CSMD1: variants seen among roughly 807,000 people sequenced by gnomAD.
CSMD1 encodes the protein CUB and Sushi multiple domains 1, also known as CUB and sushi domain-containing protein 1.
A neutral mutation model predicts 417.5 loss-of-function variants in CSMD1; 213 were observed. That is an observed-to-expected ratio of 0.51 (90% CI 0.46 to 0.57). The LOEUF is 0.57. Ranked by LOEUF, CSMD1 falls within the 20% of genes least tolerant of loss-of-function variation. The pLI is 0.00. For synonymous variants in CSMD1, 2,862 were observed against 1,736.8 expected (o/e 1.65, Z -16.11); for missense variants, 6,923 against 4,529.7 (o/e 1.53, Z -15.17).
intron 2 of CSMD1, among the ~76,000 whole-genome samples, chr8:4,496,562 C>G (rs555131994): frequency 1.3e-5 from 2 of 152,140 alleles, no homozygotes; most frequent in East Asian, 1.9e-4. Flanking sequence ...AACTTCGCCT[C>G]GCCTCCTGCC....
intron 3 of CSMD1, among the ~76,000 whole-genome samples, chr8:4,100,114 C>T (rs1202723159): frequency 4.6e-5 from 7 of 152,030 alleles, no homozygotes; most frequent in African/African-American, 1.2e-4. Context: ...TTTCTGACTC[C>T]GGGGAAATTA....
intron 57 of CSMD1, among the ~76,000 whole-genome samples, chr8:2,971,528 C>G (rs1162077083): frequency 1.3e-5 from 2 of 152,148 alleles, no homozygotes; most frequent in Non-Finnish European, 2.9e-5. Flanking sequence ...ATGACAATGT[C>G]TCTTTTCAGT....
chr8:4,570,764 G>C lies in CSMD1; in HGVS notation c.302+66578C>G, dbSNP rs1304720814. On this transcript the variant is annotated intron_variant, in intron 2 of 69. Transcript: ENST00000635120. ...TCTTGTAGAATTCGGCTGTGAATCT[G>C]TCTGTCCTGGGCTTTTATTGTTTGG... is the stretch of plus-strand genomic sequence containing the variant. 2.6e-5 allele frequency among the ~76,000 whole-genome samples: 4 copies of C among 152,080 alleles called. No homozygotes were observed. In the East Asian group the frequency reaches 5.8e-4, roughly 22 times the overall value.
intron 23 of CSMD1, among the ~76,000 whole-genome samples, chr8:3,324,061 T>G (rs71502954): frequency 2.3e-4 from 29 of 125,694 alleles, no homozygotes; most frequent in South Asian, 1.4e-3. Flanking sequence ...ATTGTTAAAA[T>G]AGACACACAC....
chr8:3,181,188 T>G lies in CSMD1; in HGVS notation c.5647A>C (p.Ser1883Arg). 3 of 1,613,756 alleles carry G rather than the reference T, an allele frequency of 1.9e-6. No homozygotes were observed. Among genetic ancestry groups the G allele is most frequent in the Non-Finnish European group, 2.5e-6 (3 of 1,179,718 alleles). The change falls in exon 37 of 70, where the codon AGT becomes CGT. Residue 1883 changes from serine (S) to arginine (R), a missense_variant. Transcript: ENST00000635120. ...TGCAGGTAGAGTTGGTTGGAAGTAC[T>G]GTTCAGCAGTGCCGGTACTGTGGTG... ...SGTTVPALLNSTSNQLYLHFQ... is the reference protein window; with the variant it reads ...SGTTVPALLNRTSNQLYLHFQ...
intron 5 of CSMD1, among the ~76,000 whole-genome samples, chr8:3,921,507 A>AT (rs1312500087): frequency 6.6e-6 from 1 of 151,626 alleles, no homozygotes; most frequent in African/African-American, 2.4e-5. Flanking sequence ...AATACTTTTT[A>AT]TTTTTTTCAT....
intron 12 of CSMD1, among the ~76,000 whole-genome samples, chr8:3,452,803 C>T (rs1815836051): frequency 1.3e-5 from 2 of 152,080 alleles, no homozygotes; most frequent in Admixed American, 1.3e-4. Context: ...CTCTGCCAGG[C>T]TTTGGTATCA....
chr8:4,636,438 A>C (rs1304794968), intron 2 of CSMD1, among the ~76,000 whole-genome samples: 1 of 152,200 alleles, frequency 6.6e-6, no homozygotes, highest in Admixed American at 6.5e-5. Context: ...AAATTCTCCA[A>C]AGAATGCAAT....
At chr8:3,906,925 C>A (rs781567322) in intron 5 of CSMD1, among the ~76,000 whole-genome samples, 1 of 152,160 alleles carries the variant, frequency 6.6e-6, no homozygotes, top group South Asian at 2.1e-4. Flanking sequence ...GACAAGTGAA[C>A]CTTACCCATC....
chr8:2,997,804 C>T (rs550219431), intron 54 of CSMD1, among the ~76,000 whole-genome samples: 64 of 152,180 alleles, frequency 4.2e-4, no homozygotes, highest in Middle Eastern at 3.4e-3. Context: ...TCTAGATTTT[C>T]GTAATTGAAC....
intron 3 of CSMD1, among the ~76,000 whole-genome samples, chr8:4,063,143 C>CTCT: frequency 6.6e-6 from 1 of 151,774 alleles, no homozygotes; most frequent in South Asian, 2.1e-4. Context: ...TTTCAAAATG[C>CTCT]CTAGAAGATT....
At chr8:3,215,782 A>G (rs1465199886) in intron 29 of CSMD1, among the ~76,000 whole-genome samples, 1 of 152,178 alleles carries the variant, frequency 6.6e-6, no homozygotes, top group Non-Finnish European at 1.5e-5. Flanking sequence ...ATAGATAAAT[A>G]TAATGGGAGA....
At chr8:4,319,374 A>C (rs1200462150) in intron 3 of CSMD1, among the ~76,000 whole-genome samples, 1 of 152,086 alleles carries the variant, frequency 6.6e-6, no homozygotes, top group Non-Finnish European at 1.5e-5. Flanking sequence ...TGTTTCTTTG[A>C]AATACTGAGC....
At chr8:3,593,402 C>T (rs142165941) in intron 8 of CSMD1, among the ~76,000 whole-genome samples, 129 of 152,302 alleles carry the variant, frequency 8.5e-4, no homozygotes, top group African/African-American at 3.0e-3. Context: ...TGAGCCTCCC[C>T]CAGGTCCACC....
chr8:3,446,665 T>C (rs1051988794), intron 12 of CSMD1, among the ~76,000 whole-genome samples: 1 of 152,206 alleles, frequency 6.6e-6, no homozygotes, highest in Non-Finnish European at 1.5e-5. Context: ...GAAAAAAATC[T>C]GGTAAAAAGT....
intron 3 of CSMD1, among the ~76,000 whole-genome samples, chr8:4,373,071 G>A (rs1281388140): frequency 6.6e-6 from 1 of 152,272 alleles, no homozygotes; most frequent in East Asian, 1.9e-4. Context: ...TGAGAAGACA[G>A]TTTACCTGTG....
At chr8:4,095,408 A>T (rs1254906901) in intron 3 of CSMD1, among the ~76,000 whole-genome samples, 1 of 152,174 alleles carries the variant, frequency 6.6e-6, no homozygotes, top group East Asian at 1.9e-4. Context: ...AAAGAAAAAA[A>T]AATGACAATA....
chr8:4,265,173 A>T (rs1804160862), intron 3 of CSMD1, among the ~76,000 whole-genome samples: 2 of 152,174 alleles, frequency 1.3e-5, no homozygotes. Context: ...AAATAGTGGA[A>T]CCTGTTTCAA....
intron 3 of CSMD1, among the ~76,000 whole-genome samples, chr8:4,061,465 C>G (rs1007627587): frequency 3.9e-5 from 6 of 152,100 alleles, no homozygotes; most frequent in African/African-American, 1.2e-4. Context: ...GGATAAGAAA[C>G]CAAAGAGGTG....
Sources: gnomAD v4.1 joint callset for allele counts (sites outside exome capture counted in the v4.1 genomes callset) on GRCh38, gnomAD v4.1.1 for gene constraint, MANE v1.5 for transcripts, NCBI Gene and HGNC (gene_info 2026-07-23, HGNC 2026-07-21) for gene names.